Variants in SCRT2 observed in about 807,000 individuals in gnomAD.
The protein encoded by SCRT2 is transcriptional repressor scratch 2.
Under a neutral mutation model 3.7 loss-of-function variants are expected in SCRT2, and 2 were observed. The observed-to-expected ratio is 0.54, with a 90% CI of 0.22 to 1.70. The LOEUF (loss-of-function observed/expected upper bound fraction) is 1.70. SCRT2 is among the 40% of genes most tolerant of loss of function. The pLI, the probability that SCRT2 is intolerant of heterozygous loss-of-function variation, is 0.19. For missense variants in SCRT2, 456 were observed against 468.5 expected (o/e 0.97, Z 0.25); for synonymous variants, 256 against 220.6 (o/e 1.16, Z -1.42).
At chr20:670,271 C>T (rs897887811) in intron 1 of SCRT2, among the ~76,000 whole-genome samples, 61 of 152,202 alleles carry the variant, frequency 4.0e-4, no homozygotes, top group African/African-American at 1.4e-3. Flanking sequence ...GGCCTCGTTC[C>T]GGAGACTGGG....
rs552128560 is a variant in SCRT2, at chr20:662,397, AC to A, written c.*1273del. 1 of 151,992 alleles carries A rather than the reference AC, an allele frequency of 6.6e-6. No homozygotes were observed. The highest frequency in any genetic ancestry group is 1.5e-5 in the Non-Finnish European group (1 of 68,014). The allele number at this position is 151,992 out of a possible 1,614,324, so 9.4% of individuals were successfully genotyped here. On this transcript the variant is annotated 3_prime_UTR_variant, in exon 2 of 2. Transcript: ENST00000246104. ...CGCCTGGACCTCCTGATGCTCCCTC[AC>A]CCCCCCAGTTGAGGGTCAGCAAGCT...
chr20:661,858 GC>G lies in SCRT2; in HGVS notation c.*1812del. On this transcript the variant is annotated 3_prime_UTR_variant, in exon 2 of 2. Coordinates refer to ENST00000246104, the MANE Select transcript of SCRT2 (RefSeq NM_033129.4). ...TCCCTGCAGCCTCCCTTCCCGCTGG[GC>G]CTGGAGCTGAGCAAAGGCCCATTCA... 1 of 152,854 alleles carries G rather than the reference GC, an allele frequency of 6.5e-6. No homozygotes were observed. The highest frequency in any genetic ancestry group is 1.9e-4 in the East Asian group (1 of 5,174). The allele number at this position is 152,854 out of a possible 1,614,324, so 9.5% of individuals were successfully genotyped here.
In SCRT2 at chr20:672,829, C is replaced by G. The variant is rs181085880; in HGVS notation, c.133+2640G>C. Among the ~76,000 whole-genome samples, 8 of 150,524 alleles carry G rather than the reference C, an allele frequency of 5.3e-5. No individual in the cohort carries two copies. The East Asian group carries it at 1.6e-3, about 30-fold the overall frequency. On this transcript the variant is annotated intron_variant, in intron 1 of 1. Transcript: ENST00000246104. The stretch of plus-strand genomic sequence containing the variant: ...TCCTTGTTTACCCAGCACACTTACA[C>G]ACGCTGAGAGAGAAAAACGTCGGCT...
rs889111782 is a variant in SCRT2 at position 675,383 on chromosome 20, G to A, written c.133+86C>T. On this transcript the variant is annotated intron_variant, in intron 1 of 1. Coordinates refer to ENST00000246104, the MANE Select transcript of SCRT2 (RefSeq NM_033129.4). The surrounding 1 kb of genome is among the most constrained non-coding windows in gnomAD (Gnocchi z 6.9). ...CTCCCGGGGGTTTCCTGTCGCACGC[G>A]CCCCTCCTCGTGGCCCAAGCTGGGG... 2.7e-6 allele frequency: 3 copies of A among 1,125,304 alleles called. No homozygotes were observed. Among genetic ancestry groups the A allele is most frequent in the Non-Finnish European group, 3.4e-6 (3 of 878,586 alleles). 69.7% of individuals were successfully genotyped at this position (1,125,304 alleles called of 1,614,324 possible).
chr20:671,087 G>A (rs1766468211), intron 1 of SCRT2, among the ~76,000 whole-genome samples: 1 of 152,216 alleles, frequency 6.6e-6, no homozygotes, highest in Admixed American at 6.5e-5. Flanking sequence ...CTTGAGAGCG[G>A]ATCTGGACAA....
intron 1 of SCRT2, among the ~76,000 whole-genome samples, chr20:669,676 C>T (rs575089973): frequency 6.6e-6 from 1 of 152,322 alleles, no homozygotes; most frequent in South Asian, 2.1e-4. Flanking sequence ...GCCAGGGCCT[C>T]GGGCCTCGAG....
rs764511537 is a variant in SCRT2 at position 663,949 on chromosome 20, C to T, written c.646G>A (p.Val216Ile). The T allele has an allele frequency of 8.1e-6, 13 of 1,609,492 alleles. No homozygotes were observed. The South Asian group carries it at 1.1e-4, about 14-fold the overall frequency. The stretch of plus-strand genomic sequence containing the variant: ...GGCCGCGAGAAGGCCTTGCCGCAGA[C>T]GCCGCACTTGTGGCGCAGGTTGTGC... Reference protein sequence around the residue: ...LTHNLRHKCGVCGKAFSRPWL... With the variant: ...LTHNLRHKCGICGKAFSRPWL... The change falls in exon 2 of 2, where the codon GTC (valine) becomes ATC (isoleucine). Residue 216 changes from valine (V) to isoleucine (I), a missense_variant. Around this residue, in one of 3 missense-constraint regions of SCRT2, gnomAD observed 144 missense variants for 141.9 expected, o/e 1.01. Coordinates refer to ENST00000246104, the MANE Select transcript of SCRT2 (RefSeq NM_033129.4). This position sits in a 1 kb window ranked among gnomAD's most constrained non-coding sequence, Gnocchi z 6.9.
rs761559988 is a variant in SCRT2, at chr20:675,057, G to A, written c.133+412C>T. On this transcript the variant is annotated intron_variant, in intron 1 of 1. Transcript: ENST00000246104. This position sits in a 1 kb window ranked among gnomAD's most constrained non-coding sequence, Gnocchi z 6.9. ...TGTCTCTCCAGGGACTGAACATCCA[G>A]GGCTCTTTACCTTCCCCCTTCCCGG... Among the ~76,000 whole-genome samples the A allele has an allele frequency of 2.0e-5, 3 of 152,122 alleles. No homozygotes were observed. Among genetic ancestry groups the A allele is most frequent in the Non-Finnish European group, 2.9e-5 (2 of 68,012 alleles).
rs1296604314 is a variant in SCRT2 at position 664,132 on chromosome 20, G to T, written c.463C>A (p.His155Asn). 8 of 1,464,542 alleles carry T rather than the reference G, an allele frequency of 5.5e-6. No homozygotes were observed. The highest frequency in any genetic ancestry group is 6.3e-6 in the Non-Finnish European group (7 of 1,105,096). The allele number at this position is 1,464,542 out of a possible 1,614,324, so 90.7% of individuals were successfully genotyped here. A position where few individuals can be genotyped will look rare whatever the true frequency, so the allele number is the denominator to read the frequency against. ...AGAQAGGGHR[H>N]ACAECGKTYA... ...GTCTTGCCGCACTCGGCGCACGCGT[G>T]CCGGTGCCCGCCGCCCGCCTGCGCC... The change falls in exon 2 of 2, where the codon CAC becomes AAC. Residue 155 changes from histidine (H) to asparagine (N), a missense_variant. Coordinates refer to ENST00000246104, the MANE Select transcript of SCRT2 (RefSeq NM_033129.4). This position sits in a 1 kb window ranked among gnomAD's most constrained non-coding sequence, Gnocchi z 7.9.
In SCRT2 at chr20:665,691, A is replaced by G. The variant is rs1370736017; in HGVS notation, c.134-1230T>C. ...GCTCCCTGGAGAGTTTCTGGCAGAC[A>G]AACTTTTCATCCTGGCACTTGATGG... On this transcript the variant is annotated intron_variant, in intron 1 of 1. Transcript: ENST00000246104. The surrounding 1 kb of genome is among the most constrained non-coding windows in gnomAD (Gnocchi z 5.0). Among the ~76,000 whole-genome samples the G allele has an allele frequency of 6.6e-6, 1 of 152,200 alleles. No individual in the cohort carries two copies. Among genetic ancestry groups the G allele is most frequent in the African/African-American group, 2.4e-5 (1 of 41,456 alleles).
chr20:671,488 TCTGTG>T (rs530214267), intron 1 of SCRT2, among the ~76,000 whole-genome samples: 2 of 152,346 alleles, frequency 1.3e-5, no homozygotes, highest in South Asian at 4.1e-4. Flanking sequence ...CCCAGCCTTC[TCTGTG>T]CTTGCTCTTC....
At chr20:672,785 T>TC (rs986292061) in intron 1 of SCRT2, among the ~76,000 whole-genome samples, 2 of 128,136 alleles carry the variant, frequency 1.6e-5, no homozygotes, top group Admixed American at 8.1e-5. Context: ...CTCCTCATCT[T>TC]CCCCCCCTCC....
rs1984192969 is a variant in SCRT2 at position 667,531 on chromosome 20, T to C, written c.134-3070A>G. ...TATTTCACGTTCTGATGGGAAAATA[T>C]CTGGTGCATAGTAGGAGCTCCATCA... On this transcript the variant is annotated intron_variant, in intron 1 of 1. Coordinates refer to ENST00000246104, the MANE Select transcript of SCRT2 (RefSeq NM_033129.4). The surrounding 1 kb of genome is among the most constrained non-coding windows in gnomAD (Gnocchi z 4.4). 6.6e-6 allele frequency among the ~76,000 whole-genome samples: 1 copy of C among 152,214 alleles called. No individual in the cohort carries two copies. Among genetic ancestry groups the C allele is most frequent in the Non-Finnish European group, 1.5e-5 (1 of 68,024 alleles).
rs1316893288 is a variant in SCRT2 at position 667,642 on chromosome 20, C to CA, written c.134-3182dup. Among the ~76,000 whole-genome samples the CA allele has an allele frequency of 6.6e-6, 1 of 152,152 alleles. No individual in the cohort carries two copies. The highest frequency in any genetic ancestry group is 1.5e-5 in the Non-Finnish European group (1 of 68,016). The stretch of plus-strand genomic sequence containing the variant: ...AGCGCTGTTGACTTTCCTCCTGTTG[C>CA]AAGGGGCTCTTTATGAAGAAATAGG... On this transcript the variant is annotated intron_variant, in intron 1 of 1. Transcript: ENST00000246104. This position sits in a 1 kb window ranked among gnomAD's most constrained non-coding sequence, Gnocchi z 4.4.
Position 663,813 on chromosome 20 carries a change from G to C in SCRT2, c.782C>G (p.Thr261Arg), listed in dbSNP as rs1470186710. Reference sequence around the variant, plus strand: ...GCGGTAGTGCTTGAAGGCCGAGTGCGTCTGCATGTGCGCGCGCAGGTTGGA... The same window carrying C: ...GCGGTAGTGCTTGAAGGCCGAGTGCCTCTGCATGTGCGCGCGCAGGTTGGA... ...DRSNLRAHMQTHSAFKHYRCR... is the reference protein window; with the variant it reads ...DRSNLRAHMQRHSAFKHYRCR... The change falls in exon 2 of 2, where the codon ACG becomes AGG. Residue 261 changes from threonine (T) to arginine (R), a missense_variant. Around this residue, in one of 3 missense-constraint regions of SCRT2, gnomAD observed 144 missense variants for 141.9 expected, o/e 1.01. Transcript: ENST00000246104. The surrounding 1 kb of genome is among the most constrained non-coding windows in gnomAD (Gnocchi z 6.9). The C allele has an allele frequency of 6.3e-7, 1 of 1,596,720 alleles. No homozygotes were observed. The highest frequency in any genetic ancestry group is 1.7e-5 in the Admixed American group (1 of 57,192).
rs959775793 is a variant in SCRT2 at position 675,453 on chromosome 20, G to T, written c.133+16C>A. On this transcript the variant is annotated intron_variant, in intron 1 of 1. Transcript: ENST00000246104. The surrounding 1 kb of genome is among the most constrained non-coding windows in gnomAD (Gnocchi z 6.9). ...CCTCTTCTCCCAACCCCCCGCCCCCGCCGGGTCCCACTCACCGTTGTCCCC... is the reference window on the plus strand; with the variant it reads ...CCTCTTCTCCCAACCCCCCGCCCCCTCCGGGTCCCACTCACCGTTGTCCCC... 1 of 1,294,492 alleles carries T rather than the reference G, an allele frequency of 7.7e-7. No homozygotes were observed. Among genetic ancestry groups the T allele is most frequent in the Non-Finnish European group, 9.9e-7 (1 of 1,010,182 alleles). 80.2% of individuals were successfully genotyped at this position (1,294,492 alleles called of 1,614,324 possible).
intron 1 of SCRT2, among the ~76,000 whole-genome samples, chr20:673,220 GT>G (rs1984402846): frequency 6.6e-6 from 1 of 152,324 alleles, no homozygotes; most frequent in East Asian, 1.9e-4. Context: ...CCTCAGCCAG[GT>G]GGCGTATGTT....
chr20:671,632 C>T (rs1984335649), intron 1 of SCRT2, among the ~76,000 whole-genome samples: 2 of 152,108 alleles, frequency 1.3e-5, no homozygotes, highest in Admixed American at 6.5e-5. Context: ...CTACCCGGCA[C>T]CATCAGAGGG....
At position 663,279 on chromosome 20, in the gene SCRT2, C is replaced by T. The variant is rs1232919062; in HGVS notation, c.*392G>A. ...TTGGGGGCTCCAGTAGAGGAATGGT[C>T]AGAGAGATTCAGCTGAGAAGCGAGA... is the stretch of plus-strand genomic sequence containing the variant. On this transcript the variant is annotated 3_prime_UTR_variant, in exon 2 of 2. Coordinates refer to ENST00000246104, the MANE Select transcript of SCRT2 (RefSeq NM_033129.4). The surrounding 1 kb of genome is among the most constrained non-coding windows in gnomAD (Gnocchi z 6.9). 1.5e-5 allele frequency: 3 copies of T among 201,328 alleles called. No individual in the cohort carries two copies. Among genetic ancestry groups the T allele is most frequent in the East Asian group, 2.3e-4 (2 of 8,644 alleles). 12.5% of individuals were successfully genotyped at this position (201,328 alleles called of 1,614,324 possible).
Sources: allele counts gnomAD v4.1 joint callset (sites outside exome capture counted in the v4.1 genomes callset), GRCh38; gene constraint gnomAD v4.1.1; regional missense constraint gnomAD v4.1.1; non-coding constraint Gnocchi (gnomAD v3.1); transcripts MANE v1.5; gene names NCBI Gene and HGNC (gene_info 2026-07-23, HGNC 2026-07-21).